GYG1: variants seen among roughly 807,000 people sequenced by gnomAD.
GYG1 encodes glycogenin 1, also known as glycogenin-1.
Under a neutral mutation model 41.9 loss-of-function variants are expected in GYG1, and 44 were observed. The ratio of observed to expected loss-of-function variants is 1.05; its 90% CI spans 0.83 to 1.35. The LOEUF (loss-of-function observed/expected upper bound fraction) is 1.35. Ranked by LOEUF, GYG1 falls within the 40% of genes most tolerant of loss-of-function variation. The pLI, the probability that GYG1 is intolerant of heterozygous loss-of-function variation, is 0.00. For missense variants in GYG1, 429 were observed against 418.9 expected (o/e 1.02, Z -0.21); for synonymous variants, 141 against 158.1 (o/e 0.89, Z 0.81).
chr3:149,017,582 GTTTTTTTTTTTTT>G (rs58075146), intron 5 of GYG1, among the ~76,000 whole-genome samples: 31 of 47,384 alleles, frequency 6.5e-4, no homozygotes, highest in South Asian at 2.7e-3. Context: ...TTTTATTTAG[GTTTTTTTTTTTTT>G]TTTTTTTTTT....
intron 5 of GYG1, among the ~76,000 whole-genome samples, chr3:149,009,634 T>G (rs1261014770): frequency 6.6e-6 from 1 of 152,202 alleles, no homozygotes; most frequent in East Asian, 1.9e-4. Flanking sequence ...CCCATCAGTT[T>G]CTGGGGTTCA....
In GYG1 at chr3:148,996,855, AACAT is replaced by A; in HGVS notation, c.436_439del (p.Tyr146IlefsTer21). 1 of 1,613,810 alleles carries A rather than the reference AACAT, an allele frequency of 6.2e-7. No individual in the cohort carries two copies. The highest frequency in any genetic ancestry group is 8.5e-7 in the Non-Finnish European group (1 of 1,179,694). ...TCTTCGTTTATCAGCCTTCAGTTGA[AACAT>A]ACAATCAGCTGTTGCATCTTGCTTC... On this transcript the variant is annotated frameshift_variant, in exon 4 of 8. Transcript: ENST00000345003. LOFTEE classifies it high-confidence loss of function.
intron 5 of GYG1, among the ~76,000 whole-genome samples, chr3:149,011,587 C>G (rs62274644): frequency 0.041 from 6,185 of 152,254 alleles, 177 homozygotes; most frequent in Non-Finnish European, 0.06. Context: ...TTTATTTTAA[C>G]ACACAAGAAG....
chr3:149,017,425 G>A (rs1194018925), intron 5 of GYG1, among the ~76,000 whole-genome samples: 1 of 151,142 alleles, frequency 6.6e-6, no homozygotes, highest in Non-Finnish European at 1.5e-5. Flanking sequence ...TTCCTGGCTA[G>A]TAGTTTAGTG....
chr3:149,023,132 A>C (rs983773021), intron 5 of GYG1, among the ~76,000 whole-genome samples: 6 of 152,150 alleles, frequency 3.9e-5, no homozygotes, highest in African/African-American at 1.2e-4. Context: ...TTTTCTGGAA[A>C]CAGCAAGCAC....
intron 5 of GYG1, among the ~76,000 whole-genome samples, chr3:149,021,582 A>G (rs1455724943): frequency 2.6e-5 from 4 of 152,016 alleles, no homozygotes; most frequent in Non-Finnish European, 5.9e-5. Flanking sequence ...ACCATGTCAA[A>G]CCCCATCTCT....
chr3:149,027,901 T>C lies in GYG1; in HGVS notation c.*968T>C, dbSNP rs1253039663. ...TCTCTATTAAGTGGGTATTTAGCTA[T>C]TTAGAATATTTTAACCTTAAAGTCA... On this transcript the variant is annotated 3_prime_UTR_variant, in exon 8 of 8. Transcript: ENST00000345003. Among the ~76,000 whole-genome samples the C allele has an allele frequency of 1.3e-5, 2 of 152,216 alleles. No homozygotes were observed. Among genetic ancestry groups the C allele is most frequent in the Non-Finnish European group, 2.9e-5 (2 of 68,032 alleles).
At chr3:149,017,936 A>T (rs560817790) in intron 5 of GYG1, among the ~76,000 whole-genome samples, 1 of 152,146 alleles carries the variant, frequency 6.6e-6, no homozygotes, top group Admixed American at 6.6e-5. Context: ...TAGCCATGCA[A>T]TGTAAATTCT....
intron 4 of GYG1, among the ~76,000 whole-genome samples, chr3:149,005,680 C>T (rs1229112583): frequency 1.3e-5 from 2 of 152,170 alleles, no homozygotes; most frequent in African/African-American, 4.8e-5. Context: ...GAGCAAAAGG[C>T]CATAATCTCT....
intron 6 of GYG1, among the ~76,000 whole-genome samples, chr3:149,025,487 C>T (rs188709645): frequency 6.6e-6 from 1 of 152,262 alleles, no homozygotes; most frequent in Non-Finnish European, 1.5e-5. Flanking sequence ...TTGGGGACCC[C>T]TGTCATACAG....
intron 6 of GYG1, among the ~76,000 whole-genome samples, chr3:149,025,863 A>G (rs932957814): frequency 2.6e-5 from 4 of 152,198 alleles, no homozygotes; most frequent in African/African-American, 9.6e-5. Context: ...AGTTATGTCC[A>G]GTATACTTGG....
chr3:149,015,660 T>G (rs1713983021), intron 5 of GYG1, among the ~76,000 whole-genome samples: 1 of 151,772 alleles, frequency 6.6e-6, no homozygotes, highest in Non-Finnish European at 1.5e-5. Context: ...GGTGGAGTGG[T>G]GGGGGAGAAA....
Position 149,026,778 on chromosome 3 carries a change from A to C in GYG1, c.898A>C (p.Ile300Leu). The C allele has an allele frequency of 6.2e-7, 1 of 1,611,800 alleles. No individual in the cohort carries two copies. Among genetic ancestry groups the C allele is most frequent in the Non-Finnish European group, 8.5e-7 (1 of 1,177,844 alleles). Reference protein sequence around the residue: ...FCRKEDVSGAISHLSLGEIPA... With the variant: ...FCRKEDVSGALSHLSLGEIPA... ...TTTCTAGGAAGATGTCTCAGGAGCC[A>C]TATCACATCTGTCCCTTGGGGAGAT... The change falls in exon 8 of 8, where the codon ATA (isoleucine) becomes CTA (leucine). Residue 300 changes from isoleucine to leucine, a missense_variant. Coordinates refer to ENST00000345003, the MANE Select transcript of GYG1 (RefSeq NM_004130.4).
chr3:148,996,374 A>G lies in GYG1; in HGVS notation c.216A>G (p.Leu72=). The G allele has an allele frequency of 6.2e-7, 1 of 1,612,116 alleles. No homozygotes were observed. Among genetic ancestry groups the G allele is most frequent in the South Asian group, 1.1e-5 (1 of 91,018 alleles). Reference sequence around the variant, plus strand: ...TGGACAGTGGCGATTCTGCTCATCTAACCTTAATGAAGAGGCCAGAGTTGG... The same window carrying G: ...TGGACAGTGGCGATTCTGCTCATCTGACCTTAATGAAGAGGCCAGAGTTGG... ...DVLDSGDSAH[L]TLMKRPELGV... Residue 72 remains leucine (L), a synonymous_variant, in exon 3 of 8, where the codon CTA becomes CTG. Coordinates refer to ENST00000345003, the MANE Select transcript of GYG1 (RefSeq NM_004130.4).
intron 4 of GYG1, chr3:149,001,502 G>A (rs1474535030): frequency 6.6e-6 from 1 of 152,210 alleles, no homozygotes; most frequent in Non-Finnish European, 1.5e-5. Flanking sequence ...AGAAATAGAG[G>A]AGGAGGAAGG....
chr3:149,003,578 TAAA>T (rs1008180403), intron 4 of GYG1, among the ~76,000 whole-genome samples: 5 of 152,216 alleles, frequency 3.3e-5, no homozygotes, highest in Non-Finnish European at 7.4e-5. Flanking sequence ...TTTGTTATAA[TAAA>T]GAAGTCGTTC....
In GYG1 at chr3:149,005,145, TTTA is replaced by T. The variant is rs1279545198; in HGVS notation, c.482-4124_482-4122del. On this transcript the variant is annotated intron_variant, in intron 4 of 7. Coordinates refer to ENST00000345003, the MANE Select transcript of GYG1 (RefSeq NM_004130.4). ...CTCAAATTGGATAAATGTGTAGAGT[TTTA>T]TTATTAATATCCTTTATAACCTACA... Among the ~76,000 whole-genome samples the T allele has an allele frequency of 2.6e-5, 4 of 152,326 alleles. No individual in the cohort carries two copies. The East Asian group carries it at 7.7e-4, about 29-fold the overall frequency.
intron 4 of GYG1, among the ~76,000 whole-genome samples, chr3:149,003,540 G>T (rs565104734): frequency 1.3e-5 from 2 of 152,202 alleles, no homozygotes; most frequent in African/African-American, 4.8e-5. Flanking sequence ...ATTTTTTATA[G>T]AAATGATATT....
chr3:149,024,033 A>C lies in GYG1; in HGVS notation c.609-20A>C, dbSNP rs368838737. On this transcript the variant is annotated intron_variant, in intron 5 of 7. Transcript: ENST00000345003. Reference sequence around the variant, plus strand: ...GTACTCAGAATCCACTAACTGTTTCAACTTGCGTTCACTTGGCAGGTTTGG... The same window carrying C: ...GTACTCAGAATCCACTAACTGTTTCCACTTGCGTTCACTTGGCAGGTTTGG... 1 of 1,579,274 alleles carries C rather than the reference A, an allele frequency of 6.3e-7. No individual in the cohort carries two copies. Among genetic ancestry groups the C allele is most frequent in the African/African-American group, 1.3e-5 (1 of 74,238 alleles).
Sources: gnomAD v4.1 joint callset for allele counts (sites outside exome capture counted in the v4.1 genomes callset) on GRCh38, gnomAD v4.1.1 for gene constraint, MANE v1.5 for transcripts, NCBI Gene and HGNC (gene_info 2026-07-23, HGNC 2026-07-21) for gene names.